The following MYO16 variants were observed in gnomAD, a reference collection of about 807,000 sequenced individuals.
MYO16 encodes unconventional myosin-XVI.
Under a neutral mutation model 205.3 loss-of-function variants are expected in MYO16, and 94 were observed. The ratio of observed to expected loss-of-function variants is 0.46; its 90% CI spans 0.39 to 0.54. MYO16 has a LOEUF of 0.54. Ranked by LOEUF, MYO16 falls within the 20% of genes least tolerant of loss-of-function variation. MYO16 has a pLI of 0.00. For missense variants in MYO16, 2,315 were observed against 2,387.5 expected (o/e 0.97, Z 0.63); for synonymous variants, 988 against 954.0 (o/e 1.04, Z -0.66).
At chr13:108,644,853 A>G (rs1331885672) in intron 1 of MYO16, among the ~76,000 whole-genome samples, 2 of 152,230 alleles carry the variant, frequency 1.3e-5, no homozygotes, top group African/African-American at 4.8e-5. Context: ...GTATAGTCTG[A>G]AAATATTTTT....
At position 108,834,591 on chromosome 13, in the gene MYO16, G is replaced by A. The variant is rs118143245; in HGVS notation, c.1098-9752G>A. ...TTGTGATGAAACTGCTATTAACTTGGAATTTTTCCTTTTGCCCTTTATGTT... is the reference window on the plus strand; with the variant it reads ...TTGTGATGAAACTGCTATTAACTTGAAATTTTTCCTTTTGCCCTTTATGTT... On this transcript the variant is annotated intron_variant, in intron 9 of 34. Transcript: ENST00000457511. Among the ~76,000 whole-genome samples, 451 of 151,296 alleles carry A rather than the reference G, an allele frequency of 3.0e-3. 2 individuals are homozygous for A. Among genetic ancestry groups the A allele is most frequent in the South Asian group, 0.024 (115 of 4,780 alleles).
chr13:109,091,514 C>T lies in MYO16; in HGVS notation c.3336-9271C>T, dbSNP rs562158377. On this transcript the variant is annotated intron_variant, in intron 27 of 34. Coordinates refer to ENST00000457511, the MANE Select transcript of MYO16 (RefSeq NM_001198950.3). ...GATGCCATCGTAATCTAGTGTCTCCCGTGTCTGACGTTGCCATTGACGCCA... is the reference window on the plus strand; with the variant it reads ...GATGCCATCGTAATCTAGTGTCTCCTGTGTCTGACGTTGCCATTGACGCCA... Among the ~76,000 whole-genome samples the T allele has an allele frequency of 9.2e-5, 14 of 152,252 alleles. No homozygotes were observed. The South Asian group carries it at 2.5e-3, about 27-fold the overall frequency.
chr13:108,975,444 A>T (rs1884218617), intron 20 of MYO16, among the ~76,000 whole-genome samples: 1 of 152,198 alleles, frequency 6.6e-6, no homozygotes, highest in Admixed American at 6.6e-5. Flanking sequence ...TGTTCTTATA[A>T]AGCATAAATA....
chr13:108,957,778 T>C lies in MYO16; in HGVS notation c.2016T>C (p.Asn672=), dbSNP rs1883432015. The C allele has an allele frequency of 1.9e-6, 3 of 1,613,642 alleles. No homozygotes were observed. Among genetic ancestry groups the C allele is most frequent in the Non-Finnish European group, 2.5e-6 (3 of 1,179,680 alleles). Residue 672 remains asparagine, a synonymous_variant, in exon 17 of 35, where the codon AAT becomes AAC. Transcript: ENST00000457511. ...TGGCTGTTTTGAAACGAGCCCTGAA[T>C]GTAGTTGGCTTCAGCAGCTTGGTGA... ...EKLAVLKRAL[N]VVGFSSLEVE... is the part of the protein sequence containing the mutation.
intron 23 of MYO16, among the ~76,000 whole-genome samples, chr13:109,023,949 A>G (rs1886263413): frequency 7.0e-6 from 1 of 141,952 alleles, no homozygotes; most frequent in African/African-American, 2.5e-5. Flanking sequence ...GAATATATGT[A>G]TATAAATATA....
In MYO16 at chr13:109,198,703, C is replaced by T. The variant is rs572510132; in HGVS notation, c.5416-7906C>T. On this transcript the variant is annotated intron_variant, in intron 34 of 34. Coordinates refer to ENST00000457511, the MANE Select transcript of MYO16 (RefSeq NM_001198950.3). Reference sequence around the variant, plus strand: ...TAACCATGGTACAACTGTAACAGCTCATATTTAAACAGCACTCACTACTTT... The same window carrying T: ...TAACCATGGTACAACTGTAACAGCTTATATTTAAACAGCACTCACTACTTT... Among the ~76,000 whole-genome samples the T allele has an allele frequency of 1.3e-3, 197 of 152,248 alleles. 2 individuals carry two copies. The highest frequency in any genetic ancestry group is 4.4e-3 in the African/African-American group (184 of 41,562).
At chr13:109,050,553 T>G (rs1887213225) in intron 24 of MYO16, among the ~76,000 whole-genome samples, 1 of 152,202 alleles carries the variant, frequency 6.6e-6, no homozygotes, top group Non-Finnish European at 1.5e-5. Flanking sequence ...TATGTAAATA[T>G]TCTGTTCCTC....
chr13:108,905,096 G>T (rs1473498409), intron 15 of MYO16, among the ~76,000 whole-genome samples: 3 of 151,994 alleles, frequency 2.0e-5, no homozygotes, highest in Non-Finnish European at 4.4e-5. Context: ...TTTTCTGGGA[G>T]CAACAAATCA....
chr13:109,051,463 AGTAG>A (rs1472826105), intron 24 of MYO16, among the ~76,000 whole-genome samples: 15 of 152,170 alleles, frequency 9.9e-5, no homozygotes, highest in Admixed American at 3.9e-4. Context: ...TGATTCTCAA[AGTAG>A]GTACTGTCAT....
intron 1 of MYO16, among the ~76,000 whole-genome samples, chr13:108,610,667 T>G (rs1312834004): frequency 1.3e-5 from 2 of 152,174 alleles, no homozygotes; most frequent in Non-Finnish European, 2.9e-5. Context: ...AAATCCTCCT[T>G]CTTATATTTG....
chr13:108,850,847 T>G (rs1877826089), intron 10 of MYO16, among the ~76,000 whole-genome samples: 1 of 152,044 alleles, frequency 6.6e-6, no homozygotes, highest in Non-Finnish European at 1.5e-5. Flanking sequence ...GGCTAGGGAG[T>G]AGTCACATTT....
chr13:109,068,793 G>A (rs1004478105), intron 27 of MYO16, among the ~76,000 whole-genome samples: 4 of 152,128 alleles, frequency 2.6e-5, no homozygotes, highest in Non-Finnish European at 5.9e-5. Context: ...GTTTCACCAT[G>A]TTGGTCAGGC....
In MYO16 at chr13:109,124,968, G is replaced by A. The variant is rs138708607; in HGVS notation, c.3536-144G>A. ...GAGCTTTGCCTTTAGTGTTATCACT[G>A]CTGATTTAGATAAAGTCTTATTCTG... On this transcript the variant is annotated intron_variant, in intron 29 of 34. Transcript: ENST00000457511. 1.5e-4 allele frequency: 134 copies of A among 903,178 alleles called. 1 individual carries two copies. In the African/African-American group the frequency reaches 2.0e-3, roughly 14 times the overall value. 55.9% of individuals were successfully genotyped at this position (903,178 alleles called of 1,614,324 possible).
chr13:108,904,880 A>G (rs74119448), intron 15 of MYO16, among the ~76,000 whole-genome samples: 18,472 of 152,166 alleles, frequency 0.12, 1,968 homozygotes, highest in African/African-American at 0.28. Flanking sequence ...TAAGGGTACT[A>G]TAAAGTTTTC....
chr13:108,766,816 A>G (rs1212299008), intron 4 of MYO16, among the ~76,000 whole-genome samples: 1 of 152,154 alleles, frequency 6.6e-6, no homozygotes, highest in East Asian at 1.9e-4. Context: ...TGAAGGTTTA[A>G]CAGCTCTTTG....
intron 16 of MYO16, among the ~76,000 whole-genome samples, chr13:108,924,172 T>C: frequency 6.6e-6 from 1 of 152,172 alleles, no homozygotes; most frequent in East Asian, 1.9e-4. Context: ...GCCCTATCAT[T>C]TTGCCCAGCT....
intron 27 of MYO16, among the ~76,000 whole-genome samples, chr13:109,062,535 G>A (rs906094819): frequency 4.6e-5 from 7 of 152,042 alleles, no homozygotes; most frequent in Non-Finnish European, 1.0e-4. Context: ...ATCTTTATCT[G>A]TAATGGCATA....
At chr13:108,688,499 C>A (rs1882768728) in intron 2 of MYO16, among the ~76,000 whole-genome samples, 1 of 152,130 alleles carries the variant, frequency 6.6e-6, no homozygotes, top group African/African-American at 2.4e-5. Flanking sequence ...ACCCTATTCT[C>A]CAGGTTCTTT....
the MYO16 span, among the ~76,000 whole-genome samples, chr13:108,560,269 G>A: frequency 2.0e-5 from 3 of 152,118 alleles, no homozygotes; most frequent in South Asian, 2.1e-4. Flanking sequence ...GCAGAGCTTC[G>A]CTGGCGTGTT....
Sources: allele counts gnomAD v4.1 joint callset (sites outside exome capture counted in the v4.1 genomes callset), GRCh38; gene constraint gnomAD v4.1.1; transcripts MANE v1.5; gene names NCBI Gene and HGNC (gene_info 2026-07-23, HGNC 2026-07-21).